BOD1L1: variants seen among roughly 807,000 people sequenced by gnomAD.
BOD1L1 encodes the protein biorientation of chromosomes in cell division 1 like 1, also known as biorientation of chromosomes in cell division protein 1-like 1.
BOD1L1 carries 86 observed loss-of-function variants against 240.7 expected under a neutral mutation model. The ratio of observed to expected loss-of-function variants is 0.36; its 90% confidence interval spans 0.30 to 0.43. BOD1L1 has a LOEUF of 0.43. BOD1L1 is among the 20% of genes least tolerant of loss of function. The pLI is 1.00. For synonymous variants in BOD1L1, 1,268 were observed against 1,272.3 expected (o/e 1.00, Z 0.07); for missense variants, 3,554 against 3,643.5 (o/e 0.98, Z 0.63).
chr4:13,582,677 A>G lies in BOD1L1; in HGVS notation c.8493T>C (p.Thr2831=), dbSNP rs146301325. 1.2e-4 allele frequency: 197 copies of G among 1,612,506 alleles called. 1 individual carries two copies. In the East Asian group the frequency reaches 4.1e-3, roughly 34 times the overall value. Residue 2831 remains threonine (T), a synonymous_variant, in exon 18 of 26, where the codon ACT becomes ACC. Coordinates refer to ENST00000040738, the MANE Select transcript of BOD1L1 (RefSeq NM_148894.3). ...CTTTTTCTTCCATGACCCTTGAGGT[A>G]GTGCTATTTGTCTCAGAACTGGTTT... ...LPKTSSETNS[T]TSRVMEEKDE...
At chr4:13,618,177 T>A (rs1716760991) in intron 2 of BOD1L1, among the ~76,000 whole-genome samples, 1 of 152,230 alleles carries the variant, frequency 6.6e-6, no homozygotes, top group South Asian at 2.1e-4. Context: ...ACCTTATAGA[T>A]TTTATACGCT....
intron 21 of BOD1L1, among the ~76,000 whole-genome samples, chr4:13,580,660 T>G (rs1408451465): frequency 1.3e-5 from 2 of 152,096 alleles, no homozygotes. Flanking sequence ...TCAAAAAGAA[T>G]TCCAAAGAAA....
rs1212092811 is a variant in BOD1L1, at chr4:13,604,895, C to T, written c.2005G>A (p.Glu669Lys). The change falls in exon 10 of 26, where the codon GAA becomes AAA. Residue 669 changes from glutamate (E) to lysine (K), a missense_variant. Glu to Lys is a moderately conservative substitution (Grantham distance 56). This residue lies in a region of BOD1L1 where 3,393 missense variants were observed against 3,427.1 expected (regional missense o/e 0.99). Coordinates refer to ENST00000040738, the MANE Select transcript of BOD1L1 (RefSeq NM_148894.3). The part of the protein sequence containing the change: ...STPVIMEGVQ[E>K]ETDTRDVKRQ... The stretch of plus-strand genomic sequence containing the variant: ...TTTACATCTCTTGTGTCAGTCTCTT[C>T]CTGTACCCCCTCCATGATAACAGGG... 2 of 1,613,388 alleles carry T rather than the reference C, an allele frequency of 1.2e-6. No homozygotes were observed. The highest frequency in any genetic ancestry group is 1.7e-6 in the Non-Finnish European group (2 of 1,179,728).
chr4:13,577,938 C>G (rs1712902532), intron 22 of BOD1L1: 1 of 236,652 alleles, frequency 4.2e-6, no homozygotes, highest in Non-Finnish European at 8.2e-6. Flanking sequence ...GAGTTTCACT[C>G]AGTCATTCAG....
intron 1 of BOD1L1, among the ~76,000 whole-genome samples, chr4:13,620,935 T>C (rs7660067): frequency 6.6e-6 from 1 of 151,962 alleles, no homozygotes; most frequent in Non-Finnish European, 1.5e-5. Context: ...CGCTTGGCAA[T>C]GTCTGGAGAC....
chr4:13,592,132 C>G, intron 12 of BOD1L1, 166 bp from the exon 13 acceptor site: 1 of 556,578 alleles, frequency 1.8e-6, no homozygotes, highest in East Asian at 3.0e-5. Flanking sequence ...CACAATCAAT[C>G]CATGTTGTAC....
chr4:13,607,072 T>C, intron 9 of BOD1L1, 45 bp downstream of exon 9: 1 of 1,281,306 alleles, frequency 7.8e-7, no homozygotes, highest in Non-Finnish European at 1.1e-6. Flanking sequence ...AAACAGCCTA[T>C]ATCTAACAAA....
intron 2 of BOD1L1, among the ~76,000 whole-genome samples, chr4:13,619,213 T>C (rs1235296367): frequency 6.7e-6 from 1 of 149,852 alleles, no homozygotes; most frequent in Non-Finnish European, 1.5e-5. Flanking sequence ...GAGGATGACG[T>C]TGGGAGGTCT....
In BOD1L1 at chr4:13,569,919, T is replaced by C; in HGVS notation, c.*92A>G. 1 of 929,076 alleles carries C rather than the reference T, an allele frequency of 1.1e-6. No individual in the cohort carries two copies. 57.6% of individuals were successfully genotyped at this position (929,076 alleles called of 1,614,324 possible). ...GGACTTACAGCACATGCATATCTTT[T>C]TCCTGGTTAAAGAGAAGCCTATGGC... is the stretch of plus-strand genomic sequence containing the variant. On this transcript the variant is annotated 3_prime_UTR_variant, in exon 26 of 26. Coordinates refer to ENST00000040738, the MANE Select transcript of BOD1L1 (RefSeq NM_148894.3).
intron 5 of BOD1L1, 86 bp from the exon 6 acceptor site, chr4:13,611,186 G>T: frequency 1.1e-6 from 1 of 917,352 alleles, no homozygotes; most frequent in Non-Finnish European, 1.6e-6. Context: ...AAGGCAAGAT[G>T]AATTGGAGGT....
chr4:13,577,067 A>G, intron 24 of BOD1L1, 76 bp from the exon 25 acceptor site: 1 of 1,520,368 alleles, frequency 6.6e-7, no homozygotes, highest in Non-Finnish European at 8.9e-7. Flanking sequence ...CATGGAGTTT[A>G]GAACTTAGGA....
chr4:13,603,137 T>TC lies in BOD1L1; in HGVS notation c.3762dup (p.Asn1255GlufsTer8). The TC allele has an allele frequency of 6.2e-7, 1 of 1,614,026 alleles. No individual in the cohort carries two copies. The highest frequency in any genetic ancestry group is 8.5e-7 in the Non-Finnish European group (1 of 1,179,894). On this transcript the variant is annotated frameshift_variant, in exon 10 of 26. Transcript: ENST00000040738. LOFTEE classifies it high-confidence loss of function. ...TCTTCAGCAGCTGTGTTTTTCAAAT[T>TC]CTTCTGTACCCTATCATTTTCTGAT... is the stretch of plus-strand genomic sequence containing the variant.
Position 13,613,754 on chromosome 4 carries a change from G to T in BOD1L1, c.1175-93C>A. 1.9e-6 allele frequency: 2 copies of T among 1,045,832 alleles called. No homozygotes were observed. Among genetic ancestry groups the T allele is most frequent in the Non-Finnish European group, 2.6e-6 (2 of 778,630 alleles). The allele number at this position is 1,045,832 out of a possible 1,614,324, so 64.8% of individuals were successfully genotyped here. On this transcript the variant is annotated intron_variant, in intron 4 of 25. Coordinates refer to ENST00000040738, the MANE Select transcript of BOD1L1 (RefSeq NM_148894.3). This position sits in a 1 kb window ranked among gnomAD's most constrained non-coding sequence, Gnocchi z 4.0. The stretch of plus-strand genomic sequence containing the variant: ...TACTAAATTACACTTAAAATTTTCT[G>T]CTTTAAATACGTGTCAAACTATCAA...
At chr4:13,598,106 C>T (rs1393522504) in intron 10 of BOD1L1, among the ~76,000 whole-genome samples, 1 of 152,216 alleles carries the variant, frequency 6.6e-6, no homozygotes, top group Non-Finnish European at 1.5e-5. Context: ...GTGTCACTGT[C>T]CACTTTTCTC....
At position 13,600,107 on chromosome 4, in the gene BOD1L1, C is replaced by T; in HGVS notation, c.6793G>A (p.Glu2265Lys). ...GGGACAGCACTGGACACTGGGCCCT[C>T]ACAGTCTTCCACCGAGCTCGTAGAG... ...IISTSSVEDCEGPVSSAVPQE... is the reference protein window; with the variant it reads ...IISTSSVEDCKGPVSSAVPQE... Residue 2265 changes from glutamate (E) to lysine (K), a missense_variant, in exon 10 of 26, where the codon GAG (glutamate) becomes AAG (lysine). Physicochemically the swap from Glu to Lys is moderately conservative, Grantham distance 56. Around this residue, in one of 2 missense-constraint regions of BOD1L1, gnomAD observed 3,393 missense variants for 3,427.1 expected, o/e 0.99. Transcript: ENST00000040738. The T allele has an allele frequency of 6.2e-7, 1 of 1,613,904 alleles. No individual in the cohort carries two copies. Among genetic ancestry groups the T allele is most frequent in the African/African-American group, 1.3e-5 (1 of 75,026 alleles).
At chr4:13,620,926 G>A (rs1448104188) in intron 1 of BOD1L1, among the ~76,000 whole-genome samples, 3 of 152,158 alleles carry the variant, frequency 2.0e-5, no homozygotes, top group Non-Finnish European at 2.9e-5. Context: ...CCCAAGGGAC[G>A]CTTGGCAATG....
intron 2 of BOD1L1, among the ~76,000 whole-genome samples, chr4:13,617,378 A>G (rs1716695884): frequency 6.6e-6 from 1 of 152,140 alleles, no homozygotes; most frequent in African/African-American, 2.4e-5. Context: ...CAAACAAAAC[A>G]CTTCTGCTTT....
At chr4:13,623,546 T>C (rs1274732036) in intron 1 of BOD1L1, 3 of 152,268 alleles carry the variant, frequency 2.0e-5, no homozygotes, top group Non-Finnish European at 2.9e-5. Flanking sequence ...TTTGCAGTAG[T>C]TGGAGCTTAG....
intron 1 of BOD1L1, chr4:13,624,268 G>A (rs1185920307): frequency 6.6e-6 from 1 of 152,038 alleles, no homozygotes; most frequent in Non-Finnish European, 1.5e-5. Flanking sequence ...TAGCGTCTGA[G>A]CACCAGAACT....
Sources: gnomAD v4.1 joint callset for allele counts (sites outside exome capture counted in the v4.1 genomes callset) on GRCh38, gnomAD v4.1.1 for gene constraint, gnomAD v4.1.1 regional missense constraint, Gnocchi (gnomAD v3.1) non-coding constraint, MANE v1.5 for transcripts, NCBI Gene and HGNC (gene_info 2026-07-23, HGNC 2026-07-21) for gene names.